The following HSD11B2 variants were observed in gnomAD, a reference collection of about 807,000 sequenced individuals.
The protein encoded by HSD11B2 is hydroxysteroid 11-beta dehydrogenase 2, also known as 11-beta-hydroxysteroid dehydrogenase type 2.
In HSD11B2, 17 loss-of-function variants were observed where a neutral mutation model predicts 20.9. The ratio of observed to expected loss-of-function variants is 0.81; its 90% CI spans 0.56 to 1.22. The LOEUF (loss-of-function observed/expected upper bound fraction) is 1.22, where lower values mean the gene tolerates loss of function less well. HSD11B2 is among the 50% of genes most tolerant of loss of function. The pLI is 0.00. For synonymous variants in HSD11B2, 253 were observed against 255.4 expected (o/e 0.99, Z 0.09); for missense variants, 480 against 563.6 (o/e 0.85, Z 1.50).
At position 67,431,292 on chromosome 16, in the gene HSD11B2, T is replaced by C. The variant is rs2040930995; in HGVS notation, c.44T>C (p.Val15Ala). 2.7e-5 allele frequency: 34 copies of C among 1,267,458 alleles called. No individual in the cohort carries two copies. Among genetic ancestry groups the C allele is most frequent in the Middle Eastern group, 6.1e-4 (2 of 3,278 alleles). The allele number at this position is 1,267,458 out of a possible 1,614,324, so 78.5% of individuals were successfully genotyped here. A position where few individuals can be genotyped will look rare whatever the true frequency, so the allele number is the denominator to read the frequency against. Residue 15 changes from valine to alanine, a missense_variant, in exon 1 of 5, where the codon GTG becomes GCG. This residue lies in a region of HSD11B2 where 106 missense variants were observed against 82.8 expected (regional missense o/e 1.28). Coordinates refer to ENST00000326152, the MANE Select transcript of HSD11B2 (RefSeq NM_000196.4). ...PWPSGGAWLL[V>A]AARALLQLLR... ...CCGTCGGGCGGCGCCTGGCTGCTCG[T>C]GGCTGCCCGCGCGCTGCTGCAGCTG...
In HSD11B2 at chr16:67,436,033, C is replaced by G; in HGVS notation, c.555C>G (p.Phe185Leu). The G allele has an allele frequency of 6.2e-7, 1 of 1,614,236 alleles. No individual in the cohort carries two copies. Among genetic ancestry groups the G allele is most frequent in the Non-Finnish European group, 8.5e-7 (1 of 1,180,046 alleles). ...CGGAGCTGTCTCCAGTGGCCACTTTCCGTAGCTGCATGGAGGTGAATTTCT... is the reference window on the plus strand; with the variant it reads ...CGGAGCTGTCTCCAGTGGCCACTTTGCGTAGCTGCATGGAGGTGAATTTCT... ...ADAELSPVATFRSCMEVNFFG... is the reference protein window; with the variant it reads ...ADAELSPVATLRSCMEVNFFG... Residue 185 changes from phenylalanine to leucine, a missense_variant, in exon 3 of 5, where the codon TTC (phenylalanine) becomes TTG (leucine). By Grantham distance (22) the Phe-to-Leu change is conservative (BLOSUM62 0). Around this residue, in one of 2 missense-constraint regions of HSD11B2, gnomAD observed 374 missense variants for 480.9 expected, o/e 0.78. Transcript: ENST00000326152. This position sits in a 1 kb window ranked among gnomAD's most constrained non-coding sequence, Gnocchi z 5.7.
Position 67,431,126 on chromosome 16 carries a change from C to T in HSD11B2, c.-123C>T. 2.8e-6 allele frequency: 1 copy of T among 358,168 alleles called. No homozygotes were observed. The highest frequency in any genetic ancestry group is 4.0e-6 in the Non-Finnish European group (1 of 251,830). The allele number at this position is 358,168 out of a possible 1,614,324, so 22.2% of individuals were successfully genotyped here. A position where few individuals can be genotyped will look rare whatever the true frequency, so the allele number is the denominator to read the frequency against. On this transcript the variant is annotated 5_prime_UTR_variant, in exon 1 of 5. Coordinates refer to ENST00000326152, the MANE Select transcript of HSD11B2 (RefSeq NM_000196.4). ...TCGGCCCGAGGGCGAGCAGAGAAAG[C>T]GAGTGTCCCTCTCGCGCCCCAGGCC... is the stretch of plus-strand genomic sequence containing the variant.
rs370814654 is a variant in HSD11B2, at chr16:67,436,120, C to T, written c.642C>T (p.Ile214=). 3 of 1,613,772 alleles carry T rather than the reference C, an allele frequency of 1.9e-6. No homozygotes were observed. The highest frequency in any genetic ancestry group is 1.1e-5 in the South Asian group (1 of 91,082). The change falls in exon 3 of 5, where the codon ATC becomes ATT. Residue 214 remains isoleucine (I), a synonymous_variant. Transcript: ENST00000326152. The surrounding 1 kb of genome is among the most constrained non-coding windows in gnomAD (Gnocchi z 5.7). Reference sequence around the variant, plus strand: ...TGCTGCGCAGCTCAAGGGGCCGCATCGTGACTGTGGGGAGCCCAGCGGGTG... The same window carrying T: ...TGCTGCGCAGCTCAAGGGGCCGCATTGTGACTGTGGGGAGCCCAGCGGGTG... ...LPLLRSSRGR[I]VTVGSPAGDM...
chr16:67,433,412 A>T (rs1030610151), intron 1 of HSD11B2, among the ~76,000 whole-genome samples: 3 of 152,072 alleles, frequency 2.0e-5, no homozygotes, highest in African/African-American at 4.8e-5. Flanking sequence ...TGGGCTGAGG[A>T]TCAGGTGCCT....
Position 67,431,355 on chromosome 16 carries a change from C to A in HSD11B2, c.107C>A (p.Ala36Glu). The part of the protein sequence containing the change: ...SDLRLGRPLL[A>E]ALALLAALDW... Reference sequence around the variant, plus strand: ...CTGCGTCTGGGCCGCCCGCTGCTGGCGGCGCTGGCGCTGCTGGCCGCGCTC... The same window carrying A: ...CTGCGTCTGGGCCGCCCGCTGCTGGAGGCGCTGGCGCTGCTGGCCGCGCTC... The change falls in exon 1 of 5, where the codon GCG becomes GAG. Residue 36 changes from alanine to glutamate, a missense_variant. Around this residue, in one of 2 missense-constraint regions of HSD11B2, gnomAD observed 106 missense variants for 82.8 expected, o/e 1.28. Coordinates refer to ENST00000326152, the MANE Select transcript of HSD11B2 (RefSeq NM_000196.4). 2 of 1,238,736 alleles carry A rather than the reference C, an allele frequency of 1.6e-6. No individual in the cohort carries two copies. Among genetic ancestry groups the A allele is most frequent in the Non-Finnish European group, 2.0e-6 (2 of 981,844 alleles). The allele number at this position is 1,238,736 out of a possible 1,614,324, so 76.7% of individuals were successfully genotyped here.
Position 67,435,657 on chromosome 16 carries a change from G to A in HSD11B2, c.295G>A (p.Ala99Thr), listed in dbSNP as rs781774610. ...GCDSGFGKET[A>T]KKLDSMGFTV... The stretch of plus-strand genomic sequence containing the variant: ...TGACTCTGGTTTTGGCAAGGAGACG[G>A]CCAAGAAACTGGACTCCATGGGCTT... Residue 99 changes from alanine (A) to threonine (T), a missense_variant, in exon 2 of 5, where the codon GCC becomes ACC. Transcript: ENST00000326152. 1 of 1,613,632 alleles carries A rather than the reference G, an allele frequency of 6.2e-7. No individual in the cohort carries two copies. Among genetic ancestry groups the A allele is most frequent in the Non-Finnish European group, 8.5e-7 (1 of 1,179,994 alleles).
intron 1 of HSD11B2, 127 bp downstream of exon 1, chr16:67,431,640 A>C: frequency 9.7e-7 from 1 of 1,033,314 alleles, no homozygotes; most frequent in Non-Finnish European, 1.2e-6. Flanking sequence ...AGAGTTCTCC[A>C]CCCCTGGGTG....
intron 1 of HSD11B2, among the ~76,000 whole-genome samples, chr16:67,435,363 C>T (rs532876619): frequency 2.6e-5 from 4 of 152,286 alleles, no homozygotes; most frequent in African/African-American, 7.2e-5. Context: ...CATTACTAGG[C>T]CTTAGTTTCC....
At chr16:67,435,556 T>G (rs769963356) in intron 1 of HSD11B2, 72 bp from the exon 2 acceptor site, 1 of 1,236,632 alleles carries the variant, frequency 8.1e-7, no homozygotes, top group Admixed American at 1.9e-5. Context: ...ATCCAGACCC[T>G]GGTGATTCTG....
chr16:67,435,913 G>A (rs1201454164), intron 2 of HSD11B2, 44 bp from the exon 3 acceptor site: 12 of 1,613,774 alleles, frequency 7.4e-6, no homozygotes, highest in East Asian at 2.2e-5. Flanking sequence ...GAAGTTTGCT[G>A]CTGGGCTGAC....
chr16:67,431,338 G>A lies in HSD11B2; in HGVS notation c.90G>A (p.Leu30=). 8.0e-7 allele frequency: 1 copy of A among 1,245,614 alleles called. No individual in the cohort carries two copies. Among genetic ancestry groups the A allele is most frequent in the Non-Finnish European group, 1.0e-6 (1 of 984,842 alleles). 77.2% of individuals were successfully genotyped at this position (1,245,614 alleles called of 1,614,324 possible). Reference sequence around the variant, plus strand: ...AGCTGCTGCGCTCAGACCTGCGTCTGGGCCGCCCGCTGCTGGCGGCGCTGG... The same window carrying A: ...AGCTGCTGCGCTCAGACCTGCGTCTAGGCCGCCCGCTGCTGGCGGCGCTGG... ...LLQLLRSDLR[L]GRPLLAALAL... is the part of the protein sequence containing the mutation. Residue 30 remains leucine, a synonymous_variant, in exon 1 of 5, where the codon CTG becomes CTA. Coordinates refer to ENST00000326152, the MANE Select transcript of HSD11B2 (RefSeq NM_000196.4).
chr16:67,437,059 G>C lies in HSD11B2; in HGVS notation c.*56G>C. On this transcript the variant is annotated 3_prime_UTR_variant, in exon 5 of 5. Transcript: ENST00000326152. ...GCACAGGAGGCTCCGTGAGCCCTTG[G>C]TTCCTCCCCGAAAACCCCCAGCATT... is the stretch of plus-strand genomic sequence containing the variant. 5 of 1,554,688 alleles carry C rather than the reference G, an allele frequency of 3.2e-6. No individual in the cohort carries two copies. The highest frequency in any genetic ancestry group is 4.4e-6 in the Non-Finnish European group (5 of 1,146,114).
At chr16:67,432,623 G>A (rs1411359237) in intron 1 of HSD11B2, 2 of 152,338 alleles carry the variant, frequency 1.3e-5, no homozygotes, top group Non-Finnish European at 2.9e-5. Context: ...CACGGTCTCT[G>A]TAGGGGACAG....
Position 67,436,683 on chromosome 16 carries a change from A to G in HSD11B2, c.898A>G (p.Ile300Val), listed in dbSNP as rs2142290068. 1.9e-6 allele frequency: 3 copies of G among 1,614,172 alleles called. No individual in the cohort carries two copies. Among genetic ancestry groups the G allele is most frequent in the East Asian group, 2.2e-5 (1 of 44,878 alleles). Residue 300 changes from isoleucine (I) to valine (V), a missense_variant, in exon 5 of 5, where the codon ATC (isoleucine) becomes GTC (valine). Transcript: ENST00000326152. This position sits in a 1 kb window ranked among gnomAD's most constrained non-coding sequence, Gnocchi z 5.7. ...ELLQAYGKDY[I>V]EHLHGQFLHS... ...GCTGCAGGCCTACGGCAAGGACTAC[A>G]TCGAGCACTTGCATGGGCAGTTCCT...
chr16:67,436,930 G>A lies in HSD11B2; in HGVS notation c.1145G>A (p.Gly382Asp), dbSNP rs72650124. The part of the protein sequence containing the change: ...LPRALQPGQP[G>D]TTPPQDAAQD... ...CGAGCACTGCAGCCTGGCCAGCCTG[G>A]CACTACCCCACCACAGGACGCAGCC... The change falls in exon 5 of 5, where the codon GGC (glycine) becomes GAC (aspartate). Residue 382 changes from glycine to aspartate, a missense_variant. Gly to Asp is a moderately conservative substitution (Grantham distance 94). Around this residue, in one of 2 missense-constraint regions of HSD11B2, gnomAD observed 374 missense variants for 480.9 expected, o/e 0.78. Coordinates refer to ENST00000326152, the MANE Select transcript of HSD11B2 (RefSeq NM_000196.4). The surrounding 1 kb of genome is among the most constrained non-coding windows in gnomAD (Gnocchi z 5.7). The A allele has an allele frequency of 2.5e-6, 4 of 1,612,220 alleles. No homozygotes were observed. The highest frequency in any genetic ancestry group is 3.4e-6 in the Non-Finnish European group (4 of 1,180,014).
At position 67,431,490 on chromosome 16, in the gene HSD11B2, C is replaced by T; in HGVS notation, c.242C>T (p.Ala81Val). 7 of 1,398,754 alleles carry T rather than the reference C, an allele frequency of 5.0e-6. No homozygotes were observed. The highest frequency in any genetic ancestry group is 6.5e-6 in the Non-Finnish European group (7 of 1,074,282). The allele number at this position is 1,398,754 out of a possible 1,614,324, so 86.6% of individuals were successfully genotyped here. A position where few individuals can be genotyped will look rare whatever the true frequency, so the allele number is the denominator to read the frequency against. Residue 81 changes from alanine (A) to valine (V), a missense_variant, in exon 1 of 5, where the codon GCC (alanine) becomes GTC (valine). Physicochemically the swap from Ala to Val is moderately conservative, Grantham distance 64. This residue lies in a region of HSD11B2 where 374 missense variants were observed against 480.9 expected (regional missense o/e 0.78). Transcript: ENST00000326152. ...RLARPQRLPV[A>V]TRAVLITGCD... ...GCGCGCCCGCAGCGCCTGCCGGTGG[C>T]CACTCGCGCGGTGCTCATCACCGGT...
intron 1 of HSD11B2, 104 bp from the exon 2 acceptor site, chr16:67,435,524 G>A (rs530477495): frequency 4.6e-6 from 4 of 871,236 alleles, no homozygotes; most frequent in African/African-American, 3.3e-5. Flanking sequence ...CTGGTGGCTT[G>A]GTTTGCAGGG....
In HSD11B2 at chr16:67,436,505, C is replaced by CA. The variant is rs1480606855; in HGVS notation, c.803-82dup. 5 of 1,566,424 alleles carry CA rather than the reference C, an allele frequency of 3.2e-6. No individual in the cohort carries two copies. The African/African-American group carries it at 5.4e-5, about 17-fold the overall frequency. On this transcript the variant is annotated intron_variant, in intron 4 of 4. Coordinates refer to ENST00000326152, the MANE Select transcript of HSD11B2 (RefSeq NM_000196.4). This position sits in a 1 kb window ranked among gnomAD's most constrained non-coding sequence, Gnocchi z 5.7. ...TTGGTTGGGGGTGTAGTTTTGGCTG[C>CA]AGACCTGGCGCGGGTTAAACAGTCC...
At chr16:67,433,447 G>T (rs1304298209) in intron 1 of HSD11B2, among the ~76,000 whole-genome samples, 3 of 152,072 alleles carry the variant, frequency 2.0e-5, no homozygotes, top group Non-Finnish European at 4.4e-5. Context: ...GCACATGTGT[G>T]TGCCAATGGG....
Sources: gnomAD v4.1 joint callset for allele counts (sites outside exome capture counted in the v4.1 genomes callset) on GRCh38, gnomAD v4.1.1 for gene constraint, gnomAD v4.1.1 regional missense constraint, Gnocchi (gnomAD v3.1) non-coding constraint, MANE v1.5 for transcripts, NCBI Gene and HGNC (gene_info 2026-07-23, HGNC 2026-07-21) for gene names.